DST: variants seen among roughly 807,000 people sequenced by gnomAD.
DST encodes the protein dystonin.
DST carries 253 observed loss-of-function variants against 875.2 expected under a neutral mutation model. The observed-to-expected ratio is 0.29, with a 90% confidence interval of 0.26 to 0.32. The LOEUF is 0.32. Among genes scored for constraint, DST ranks in the 10% least tolerant of loss-of-function variants. The pLI is 1.00. For missense variants in DST, 8,287 were observed against 9,111.6 expected (o/e 0.91, Z 3.68); for synonymous variants, 3,124 against 3,197.1 (o/e 0.98, Z 0.77).
At chr6:56,531,982 C>T (rs1433523665) in intron 64 of DST, among the ~76,000 whole-genome samples, 3 of 152,134 alleles carry the variant, frequency 2.0e-5, no homozygotes, top group Non-Finnish European at 4.4e-5. Flanking sequence ...TTCTCAATGG[C>T]TATAAACCCT....
chr6:56,620,471 C>CT, intron 36 of DST: 1 of 1,614,090 alleles, frequency 6.2e-7, no homozygotes, highest in Non-Finnish European at 8.5e-7. Context: ...ACTTTCAGCC[C>CT]TTATCTTCTG....
intron 45 of DST, 43 bp from the exon 46 acceptor site, chr6:56,598,752 C>A: frequency 1.7e-6 from 2 of 1,204,710 alleles, no homozygotes; most frequent in South Asian, 3.4e-5. Context: ...TAAATTATTA[C>A]CTATTTAGTT....
intron 4 of DST, among the ~76,000 whole-genome samples, chr6:56,745,372 G>A (rs1265210641): frequency 2.6e-5 from 4 of 152,116 alleles, no homozygotes; most frequent in African/African-American, 4.8e-5. Flanking sequence ...GTTAAGAAAA[G>A]CTTTCTTCTT....
At chr6:56,896,200 T>C (rs1431908348) in intron 3 of DST, among the ~76,000 whole-genome samples, 1 of 151,412 alleles carries the variant, frequency 6.6e-6, no homozygotes, top group Non-Finnish European at 1.5e-5. Flanking sequence ...TAGTGGCTGA[T>C]ATGGTTTGGC....
intron 9 of DST, among the ~76,000 whole-genome samples, chr6:56,689,423 T>C (rs987844324): frequency 6.6e-6 from 1 of 152,150 alleles, no homozygotes; most frequent in African/African-American, 2.4e-5. Flanking sequence ...TGGCAAATAC[T>C]AAGCTAAGGT....
chr6:56,498,968 C>T (rs980596228), intron 80 of DST, among the ~76,000 whole-genome samples: 4 of 152,094 alleles, frequency 2.6e-5, no homozygotes, highest in Non-Finnish European at 5.9e-5. Flanking sequence ...GTTAATAACG[C>T]TTAAATGCAC....
chr6:56,629,820 T>C (rs1305887257), intron 31 of DST, among the ~76,000 whole-genome samples: 3 of 152,238 alleles, frequency 2.0e-5, no homozygotes, highest in Non-Finnish European at 1.5e-5. Flanking sequence ...AGATAACTTT[T>C]AAAAATTGCT....
chr6:56,623,529 AC>A (rs1176883564), intron 36 of DST, among the ~76,000 whole-genome samples: 1 of 152,130 alleles, frequency 6.6e-6, no homozygotes, highest in Non-Finnish European at 1.5e-5. Flanking sequence ...AAAACTGTTA[AC>A]TCTGAACAGA....
At chr6:56,733,589 A>C (rs2099510847) in intron 5 of DST, among the ~76,000 whole-genome samples, 1 of 152,232 alleles carries the variant, frequency 6.6e-6, no homozygotes, top group South Asian at 2.1e-4. Flanking sequence ...TCACACAAAT[A>C]ATGAATTGCA....
At chr6:56,855,487 A>G (rs986781999) in intron 3 of DST, among the ~76,000 whole-genome samples, 1 of 152,214 alleles carries the variant, frequency 6.6e-6, no homozygotes, top group Non-Finnish European at 1.5e-5. Context: ...GGGTTAAATC[A>G]AGGAATAAAT....
rs1326561443 is a variant in DST, at chr6:56,628,211, G to A, written c.4476-50C>T. 11 of 1,515,958 alleles carry A rather than the reference G, an allele frequency of 7.3e-6. 1 individual carries two copies. The South Asian group carries it at 1.1e-4, about 15-fold the overall frequency. The allele number at this position is 1,515,958 out of a possible 1,614,324, so 93.9% of individuals were successfully genotyped here. ...CACGGTGTCCAGCGATATCCATCAGGAGGGTGGAAGATGTAGAGATGGGAG... is the reference window on the plus strand; with the variant it reads ...CACGGTGTCCAGCGATATCCATCAGAAGGGTGGAAGATGTAGAGATGGGAG... On this transcript the variant is annotated intron_variant, in intron 32 of 103. Coordinates refer to ENST00000680361, the MANE Select transcript of DST (RefSeq NM_001374736.1).
At chr6:56,503,592 CAT>C (rs1417178411) in intron 78 of DST, among the ~76,000 whole-genome samples, 51 of 126,192 alleles carry the variant, frequency 4.0e-4, no homozygotes, top group Middle Eastern at 3.8e-3. Context: ...TCTACCTATA[CAT>C]ACACACACAC....
At chr6:56,559,679 C>G (rs1159600994) in intron 58 of DST, among the ~76,000 whole-genome samples, 1 of 151,884 alleles carries the variant, frequency 6.6e-6, no homozygotes, top group East Asian at 1.9e-4. Context: ...TTTTTTTCTA[C>G]CCCCTTTACA....
intron 92 of DST, among the ~76,000 whole-genome samples, chr6:56,475,158 C>CTTA (rs1359860366): frequency 6.6e-6 from 1 of 151,658 alleles, no homozygotes; most frequent in Non-Finnish European, 1.5e-5. Flanking sequence ...TCTCCTTGGG[C>CTTA]TTATTATTAT....
chr6:56,911,262 G>C (rs1347512227), intron 2 of DST, among the ~76,000 whole-genome samples: 1 of 152,166 alleles, frequency 6.6e-6, no homozygotes, highest in Non-Finnish European at 1.5e-5. Context: ...TATGTACATG[G>C]ATCACCTGGA....
At chr6:56,788,585 A>G (rs576550227) in intron 4 of DST, among the ~76,000 whole-genome samples, 13 of 152,354 alleles carry the variant, frequency 8.5e-5, no homozygotes, top group Non-Finnish European at 1.8e-4. Flanking sequence ...ATAGCACAAG[A>G]GAAATATTTT....
chr6:56,738,261 GA>G (rs1010284262), intron 4 of DST, among the ~76,000 whole-genome samples: 1 of 152,158 alleles, frequency 6.6e-6, no homozygotes, highest in Non-Finnish European at 1.5e-5. Flanking sequence ...AAGGGGTGCA[GA>G]AAGCATTCCC....
chr6:56,674,337 G>A (rs535339967), intron 9 of DST, among the ~76,000 whole-genome samples: 3 of 150,188 alleles, frequency 2.0e-5, no homozygotes, highest in South Asian at 2.1e-4. Context: ...TCACTCTGTC[G>A]CTCAGCATGG....
At chr6:56,824,988 C>A (rs1343286789) in intron 4 of DST, among the ~76,000 whole-genome samples, 1 of 152,238 alleles carries the variant, frequency 6.6e-6, no homozygotes, top group Non-Finnish European at 1.5e-5. Context: ...ACCACCTGGT[C>A]TGGGAGGTGT....
Sources: gnomAD v4.1 joint callset for allele counts (sites outside exome capture counted in the v4.1 genomes callset) on GRCh38, gnomAD v4.1.1 for gene constraint, MANE v1.5 for transcripts, NCBI Gene and HGNC (gene_info 2026-07-23, HGNC 2026-07-21) for gene names.